ANTXR1: variants seen among roughly 807,000 people sequenced by gnomAD.
The protein encoded by ANTXR1 is ANTXR cell adhesion molecule 1.
Under a neutral mutation model 78.1 loss-of-function variants are expected in ANTXR1, and 19 were observed. The observed-to-expected ratio is 0.24, with a 90% CI of 0.17 to 0.36. The LOEUF is 0.36. Ranked by LOEUF, ANTXR1 falls within the 10% of genes least tolerant of loss-of-function variation. ANTXR1 has a pLI of 1.00. For synonymous variants in ANTXR1, 273 were observed against 260.5 expected (o/e 1.05, Z -0.46); for missense variants, 518 against 718.6 (o/e 0.72, Z 3.19).
At chr2:69,135,653 A>G (rs1484494371) in intron 12 of ANTXR1, among the ~76,000 whole-genome samples, 2 of 152,140 alleles carry the variant, frequency 1.3e-5, no homozygotes, top group South Asian at 2.1e-4. Context: ...GGACCATTAC[A>G]TAATGTTAAA....
chr2:69,080,190 G>A (rs1670857177), intron 8 of ANTXR1, among the ~76,000 whole-genome samples: 1 of 152,196 alleles, frequency 6.6e-6, no homozygotes, highest in Non-Finnish European at 1.5e-5. Context: ...TGCTTGGACA[G>A]AGAAACAGGG....
chr2:69,033,140 G>A (rs1169175057), intron 1 of ANTXR1, among the ~76,000 whole-genome samples: 1 of 152,178 alleles, frequency 6.6e-6, no homozygotes, highest in Non-Finnish European at 1.5e-5. Context: ...ACCCTGTCCT[G>A]GGGTCTCTGT....
chr2:69,023,190 C>T (rs1671243744), intron 1 of ANTXR1, among the ~76,000 whole-genome samples: 1 of 152,346 alleles, frequency 6.6e-6, no homozygotes, highest in Admixed American at 6.5e-5. Flanking sequence ...AAATGTCTGC[C>T]TCACAAAAGT....
At chr2:69,180,653 G>A (rs1428937458) in intron 14 of ANTXR1, among the ~76,000 whole-genome samples, 2 of 152,102 alleles carry the variant, frequency 1.3e-5, no homozygotes, top group South Asian at 2.1e-4. Flanking sequence ...TAATTCTTGG[G>A]CACCCACCAC....
At chr2:69,193,235 GT>G in intron 16 of ANTXR1, 99 bp from the exon 17 acceptor site, 1 of 933,316 alleles carries the variant, frequency 1.1e-6, no homozygotes, top group Non-Finnish European at 1.8e-6. Flanking sequence ...GTGTTGTGTT[GT>G]TCACATGACT....
At chr2:69,015,521 T>C (rs920574723) in intron 1 of ANTXR1, among the ~76,000 whole-genome samples, 1 of 152,142 alleles carries the variant, frequency 6.6e-6, no homozygotes, top group African/African-American at 2.4e-5. Context: ...AAAAAATGGT[T>C]CCTGGACAAG....
chr2:69,172,634 T>A, intron 14 of ANTXR1: 1 of 885,552 alleles, frequency 1.1e-6, no homozygotes, highest in Non-Finnish European at 1.5e-6. Context: ...CATCATATTC[T>A]GAGAGAGGCA....
intron 17 of ANTXR1, among the ~76,000 whole-genome samples, chr2:69,194,666 A>G (rs1376623995): frequency 6.6e-6 from 1 of 151,854 alleles, no homozygotes; most frequent in Non-Finnish European, 1.5e-5. Context: ...CAGCCTGGCC[A>G]ATATGGTTAA....
At chr2:69,023,506 G>T (rs1365102521) in intron 1 of ANTXR1, among the ~76,000 whole-genome samples, 1 of 109,656 alleles carries the variant, frequency 9.1e-6, no homozygotes, top group Non-Finnish European at 1.7e-5. Flanking sequence ...GGTGGTGGTG[G>T]TGGAGGTGGA....
chr2:69,155,887 T>A (rs1365945565), intron 13 of ANTXR1, among the ~76,000 whole-genome samples: 2 of 152,230 alleles, frequency 1.3e-5, no homozygotes, highest in African/African-American at 2.4e-5. Flanking sequence ...CAATGGGGAC[T>A]GGCTGCCCCA....
chr2:69,158,938 A>T (rs995463644), intron 13 of ANTXR1, among the ~76,000 whole-genome samples: 2 of 152,198 alleles, frequency 1.3e-5, no homozygotes, highest in Admixed American at 6.5e-5. Flanking sequence ...CACAGAAACT[A>T]ATCCCAAAAT....
chr2:69,213,833 G>A (rs1573981579), intron 17 of ANTXR1, among the ~76,000 whole-genome samples: 1 of 152,276 alleles, frequency 6.6e-6, no homozygotes. Flanking sequence ...AGGAGGCCTG[G>A]GTTCCAGTCA....
chr2:69,135,297 A>T (rs1672877864), intron 12 of ANTXR1: 1 of 160,572 alleles, frequency 6.2e-6, no homozygotes, highest in South Asian at 1.7e-4. Context: ...TTGAGAGTAA[A>T]TTGAGAAAAA....
At chr2:69,135,984 A>G (rs1158598662) in intron 12 of ANTXR1, among the ~76,000 whole-genome samples, 3 of 152,202 alleles carry the variant, frequency 2.0e-5, no homozygotes, top group Admixed American at 6.5e-5. Flanking sequence ...CAAAAATATC[A>G]TACTTCATCA....
intron 12 of ANTXR1, among the ~76,000 whole-genome samples, chr2:69,137,188 T>G (rs763809329): frequency 6.6e-6 from 1 of 152,092 alleles, no homozygotes; most frequent in South Asian, 2.1e-4. Context: ...CTATGTTGTG[T>G]TTTTTTTAAG....
At chr2:69,119,673 G>A (rs1672280916) in intron 10 of ANTXR1, among the ~76,000 whole-genome samples, 1 of 150,674 alleles carries the variant, frequency 6.6e-6, no homozygotes, top group African/African-American at 2.4e-5. Context: ...TCCCTGCCCT[G>A]CCTTAACTCA....
chr2:69,157,004 G>A (rs560224056), intron 13 of ANTXR1, among the ~76,000 whole-genome samples: 13 of 152,120 alleles, frequency 8.5e-5, no homozygotes, highest in East Asian at 3.9e-4. Context: ...ACTCCTTTGC[G>A]GAGCATCCAC....
At position 69,152,407 on chromosome 2, in the gene ANTXR1, T is replaced by G. The variant is rs922171359; in HGVS notation, c.1047+143T>G. On this transcript the variant is annotated intron_variant, in intron 13 of 17. Transcript: ENST00000303714. ...TTATACAATTTATACAAAATTGATG[T>G]GAACTGACATTGATCAATGGAACCA... 7.3e-5 allele frequency: 62 copies of G among 845,028 alleles called. No homozygotes were observed. The African/African-American group carries it at 9.6e-4, about 13-fold the overall frequency. The allele number at this position is 845,028 out of a possible 1,614,324, so 52.3% of individuals were successfully genotyped here.
chr2:69,235,012 G>T (rs1675717915), intron 17 of ANTXR1, among the ~76,000 whole-genome samples: 5 of 134,342 alleles, frequency 3.7e-5, no homozygotes, highest in African/African-American at 5.5e-5. Context: ...AAAGAATGAT[G>T]AAAGCTTTTT....
Sources: allele counts gnomAD v4.1 joint callset (sites outside exome capture counted in the v4.1 genomes callset), GRCh38; gene constraint gnomAD v4.1.1; transcripts MANE v1.5; gene names NCBI Gene and HGNC (gene_info 2026-07-23, HGNC 2026-07-21).